Variants in PHF21B observed in about 807,000 individuals in gnomAD.
PHF21B encodes the protein PHD finger protein 4.
A neutral mutation model predicts 62.2 loss-of-function variants in PHF21B; 22 were observed. The observed-to-expected ratio is 0.35, with a 90% CI of 0.25 to 0.51. PHF21B has a LOEUF of 0.51. Among genes scored for constraint, PHF21B ranks in the 20% least tolerant of loss-of-function variants. The probability of loss-of-function intolerance (pLI) is 0.97; values close to 1 mark genes in which losing one functional copy is unlikely to be tolerated. For missense variants in PHF21B, 701 were observed against 707.9 expected (o/e 0.99, Z 0.11); for synonymous variants, 341 against 314.7 (o/e 1.08, Z -0.88).
intron 5 of PHF21B, among the ~76,000 whole-genome samples, chr22:44,910,140 T>C (rs1243317247): frequency 1.3e-5 from 2 of 152,090 alleles, no homozygotes; most frequent in Admixed American, 6.6e-5. Context: ...TGACAGTACA[T>C]TGATGGGGAG....
intron 2 of PHF21B, among the ~76,000 whole-genome samples, chr22:45,002,231 T>C (rs1394121521): frequency 1.3e-5 from 2 of 152,244 alleles, no homozygotes; most frequent in Admixed American, 6.5e-5. Flanking sequence ...ATATTTGTCA[T>C]TATACGTTAC....
chr22:44,957,936 CTT>C (rs1332084626), intron 2 of PHF21B, among the ~76,000 whole-genome samples: 65 of 147,434 alleles, frequency 4.4e-4, no homozygotes, highest in African/African-American at 1.5e-3. Flanking sequence ...GAGTTTCGCT[CTT>C]GTTGCCCAGG....
chr22:44,907,730 C>T (rs1387278554), intron 5 of PHF21B, among the ~76,000 whole-genome samples: 1 of 152,176 alleles, frequency 6.6e-6, no homozygotes, highest in Non-Finnish European at 1.5e-5. Context: ...TTGCACAACA[C>T]GCTGAAACAG....
At chr22:44,926,798 G>A (rs1050629045) in intron 2 of PHF21B, among the ~76,000 whole-genome samples, 1 of 152,170 alleles carries the variant, frequency 6.6e-6, no homozygotes, top group Non-Finnish European at 1.5e-5. Context: ...GTGTTGCTGC[G>A]TGAGCCGGGG....
chr22:44,959,473 T>G (rs2072373516), intron 2 of PHF21B, among the ~76,000 whole-genome samples: 1 of 152,192 alleles, frequency 6.6e-6, no homozygotes, highest in Non-Finnish European at 1.5e-5. Context: ...TCTAGCCAAG[T>G]GCTCTCTCAA....
rs1392330457 is a variant in PHF21B at position 45,009,684 on chromosome 22, C to T, written c.-135G>A. ...GTTGGGGGGGACACGAGCCCCCTCCCCCACGGCCGAAAGGGAAGGGGGCTG... is the reference window on the plus strand; with the variant it reads ...GTTGGGGGGGACACGAGCCCCCTCCTCCACGGCCGAAAGGGAAGGGGGCTG... On this transcript the variant is annotated 5_prime_UTR_variant, in exon 1 of 13. Transcript: ENST00000313237. The surrounding 1 kb of genome is among the most constrained non-coding windows in gnomAD (Gnocchi z 5.9). 1.2e-6 allele frequency: 1 copy of T among 813,362 alleles called. No individual in the cohort carries two copies. The highest frequency in any genetic ancestry group is 3.3e-5 in the East Asian group (1 of 30,040). The allele number at this position is 813,362 out of a possible 1,614,324, so 50.4% of individuals were successfully genotyped here. A position where few individuals can be genotyped will look rare whatever the true frequency, so the allele number is the denominator to read the frequency against.
chr22:44,946,045 C>T (rs1034571441), intron 2 of PHF21B, among the ~76,000 whole-genome samples: 2 of 152,134 alleles, frequency 1.3e-5, no homozygotes, highest in African/African-American at 4.8e-5. Context: ...ACTAACTACA[C>T]ACAGGTGGAC....
chr22:44,894,450 G>C (rs998812974), intron 6 of PHF21B, among the ~76,000 whole-genome samples: 1 of 152,122 alleles, frequency 6.6e-6, no homozygotes, highest in East Asian at 1.9e-4. Context: ...GTGCACAGGC[G>C]GGACTTGAGC....
chr22:44,884,991 G>A (rs569229501), intron 12 of PHF21B, among the ~76,000 whole-genome samples: 22 of 152,368 alleles, frequency 1.4e-4, no homozygotes, highest in African/African-American at 2.9e-4. Context: ...AAACAGATTC[G>A]GAGGTCAGGG....
intron 2 of PHF21B, among the ~76,000 whole-genome samples, chr22:44,926,368 TG>T (rs2071632236): frequency 6.6e-6 from 1 of 152,138 alleles, no homozygotes; most frequent in African/African-American, 2.4e-5. Flanking sequence ...TCCACATGGA[TG>T]GGGCTGGCCA....
chr22:44,948,637 G>A (rs1472614190), intron 2 of PHF21B, among the ~76,000 whole-genome samples: 2 of 151,546 alleles, frequency 1.3e-5, no homozygotes, highest in Admixed American at 6.6e-5. Context: ...GTGGCAGTGA[G>A]CCGAGACTGT....
chr22:44,982,343 G>A (rs903601785), intron 2 of PHF21B, among the ~76,000 whole-genome samples: 1 of 152,220 alleles, frequency 6.6e-6, no homozygotes, highest in Non-Finnish European at 1.5e-5. Flanking sequence ...GATCATGACT[G>A]AGCATCCACT....
chr22:45,004,387 G>T (rs1426484987), intron 2 of PHF21B, among the ~76,000 whole-genome samples: 1 of 152,028 alleles, frequency 6.6e-6, no homozygotes, highest in Non-Finnish European at 1.5e-5. Context: ...GTGTGTGGGG[G>T]GTGTGAGAGG....
In PHF21B at chr22:44,891,224, G is replaced by T. The variant is rs2070958080; in HGVS notation, c.1015+82C>A. On this transcript the variant is annotated intron_variant, in intron 8 of 12. Transcript: ENST00000313237. Reference sequence around the variant, plus strand: ...AGTGGGAGGCGGGCAGCCCTGCCCAGGCCCAGGCGTGGAGGACCACCCAGG... The same window carrying T: ...AGTGGGAGGCGGGCAGCCCTGCCCATGCCCAGGCGTGGAGGACCACCCAGG... The T allele has an allele frequency of 6.7e-6, 10 of 1,503,380 alleles. No homozygotes were observed. The East Asian group carries it at 2.3e-4, about 35-fold the overall frequency. 93.1% of individuals were successfully genotyped at this position (1,503,380 alleles called of 1,614,324 possible).
intron 2 of PHF21B, among the ~76,000 whole-genome samples, chr22:44,951,995 C>G (rs868273454): frequency 1.1e-4 from 16 of 152,308 alleles, no homozygotes; most frequent in Middle Eastern, 3.4e-3. Context: ...ATTCTCAGAT[C>G]TGTGGTTAAA....
chr22:44,908,323 C>T (rs943709378), intron 5 of PHF21B, among the ~76,000 whole-genome samples: 1 of 152,168 alleles, frequency 6.6e-6, no homozygotes, highest in Admixed American at 6.5e-5. Context: ...TCCTGTGGGG[C>T]CTGAAACTGA....
rs776445465 is a variant in PHF21B at position 44,883,082 on chromosome 22, G to C, written c.*4C>G. The C allele has an allele frequency of 6.2e-7, 1 of 1,607,056 alleles. No homozygotes were observed. ...CCGTGGGTATGAAGACTGGTCCCTC[G>C]GGGTCAGTTGTGGCCCTGGGGGTGC... On this transcript the variant is annotated 3_prime_UTR_variant, in exon 13 of 13. Transcript: ENST00000313237.
intron 2 of PHF21B, among the ~76,000 whole-genome samples, chr22:44,985,954 C>T (rs1053179125): frequency 3.3e-5 from 5 of 151,538 alleles, no homozygotes; most frequent in African/African-American, 4.9e-5. Flanking sequence ...ACCATGATCA[C>T]CATTATCACC....
chr22:44,925,931 C>A (rs2071620603), intron 2 of PHF21B, among the ~76,000 whole-genome samples: 1 of 152,232 alleles, frequency 6.6e-6, no homozygotes, highest in South Asian at 2.1e-4. Flanking sequence ...CCAGCCCAGA[C>A]TGTGGGGGCG....
Sources: gnomAD v4.1 joint callset for allele counts (sites outside exome capture counted in the v4.1 genomes callset) on GRCh38, gnomAD v4.1.1 for gene constraint, Gnocchi (gnomAD v3.1) non-coding constraint, MANE v1.5 for transcripts, NCBI Gene and HGNC (gene_info 2026-07-23, HGNC 2026-07-21) for gene names.